STRAP: variants seen among roughly 807,000 people sequenced by gnomAD.
STRAP encodes serine/threonine kinase receptor associated protein.
A neutral mutation model predicts 47.0 loss-of-function variants in STRAP; 16 were observed. The observed-to-expected ratio is 0.34, with a 90% CI of 0.23 to 0.52. The LOEUF is 0.52. STRAP is among the 20% of genes least tolerant of loss of function. STRAP has a pLI of 0.96. For missense variants in STRAP, 293 were observed against 420.0 expected, an observed-to-expected ratio of 0.70 and a Z score of 2.64; for synonymous variants, 130 against 142.7, an observed-to-expected ratio of 0.91 and a Z score of 0.63.
intron 7 of STRAP, 84 bp downstream of exon 7, chr12:15,898,102 A>AAATGAGG: frequency 1.7e-6 from 2 of 1,169,724 alleles, no homozygotes; most frequent in Non-Finnish European, 2.3e-6. Context: ...ATATATATAT[A>AAATGAGG]TGTTACATAT....
chr12:15,886,976 A>G (rs987131527), intron 2 of STRAP, among the ~76,000 whole-genome samples: 1 of 152,186 alleles, frequency 6.6e-6, no homozygotes, highest in Non-Finnish European at 1.5e-5. Context: ...AGTAAAGACA[A>G]TTCTGTGCTG....
rs552045407 is a variant in STRAP, at chr12:15,887,100, T to C, written c.249-2828T>C. ...CAATAGAAATATCTAATTTTAGTTT[T>C]AATAAGGTTCTTGATAAATCGAAAA... On this transcript the variant is annotated intron_variant, in intron 2 of 9. Coordinates refer to ENST00000419869, the MANE Select transcript of STRAP (RefSeq NM_007178.4). This position sits in a 1 kb window ranked among gnomAD's most constrained non-coding sequence, Gnocchi z 5.5. Among the ~76,000 whole-genome samples the C allele has an allele frequency of 8.5e-5, 13 of 152,346 alleles. No individual in the cohort carries two copies. The highest frequency in any genetic ancestry group is 1.2e-4 in the Non-Finnish European group (8 of 68,030).
intron 6 of STRAP, among the ~76,000 whole-genome samples, chr12:15,895,862 G>GAAAAAAAAAAAAAAAAAAAAACAAAA (rs778939065): frequency 1.6e-5 from 1 of 61,694 alleles, no homozygotes; most frequent in African/African-American, 6.0e-5. Context: ...AACCTCCTCT[G>GAAAAAAAAAAAAAAAAAAAAACAAAA]AAAAAAAAAA....
rs113260060 is a variant in STRAP, at chr12:15,896,467, C to G, written c.638+971C>G. 1.6e-3 allele frequency among the ~76,000 whole-genome samples: 238 copies of G among 151,268 alleles called. 1 individual carries two copies. Among genetic ancestry groups the G allele is most frequent in the African/African-American group, 5.4e-3 (223 of 41,210 alleles). On this transcript the variant is annotated intron_variant, in intron 6 of 9. Coordinates refer to ENST00000419869, the MANE Select transcript of STRAP (RefSeq NM_007178.4). This position sits in a 1 kb window ranked among gnomAD's most constrained non-coding sequence, Gnocchi z 4.1. ...ACCCACAATATTATACCCATAGGTG[C>G]AAGAGTGATAATGGTAGTTATATTT...
chr12:15,883,765 A>T (rs1026747288), intron 2 of STRAP, 89 bp downstream of exon 2: 5 of 1,508,488 alleles, frequency 3.3e-6, no homozygotes, highest in Non-Finnish European at 4.5e-6. Context: ...TATTCATAAA[A>T]TTCTGACTCA....
rs561854160 is a variant in STRAP, at chr12:15,890,342, G to A, written c.331-255G>A. ...AAAGGGCCTCTCACAAGGGAGAGGA[G>A]TAGGATCAGGGGAGAATGGGAGAGT... On this transcript the variant is annotated intron_variant, in intron 3 of 9. Coordinates refer to ENST00000419869, the MANE Select transcript of STRAP (RefSeq NM_007178.4). The surrounding 1 kb of genome is among the most constrained non-coding windows in gnomAD (Gnocchi z 4.5). 1.3e-5 allele frequency among the ~76,000 whole-genome samples: 2 copies of A among 152,310 alleles called. 1 individual carries two copies. The highest frequency in any genetic ancestry group is 4.8e-5 in the African/African-American group (2 of 41,568).
chr12:15,883,871 A>G (rs77300530), intron 2 of STRAP, among the ~76,000 whole-genome samples, 195 bp downstream of exon 2: 4,837 of 152,208 alleles, frequency 0.032, 278 homozygotes, highest in African/African-American at 0.11. Context: ...GGTTCTCAAA[A>G]TTTTCAGAGG....
rs774380564 is a variant in STRAP, at chr12:15,894,186, A to G, written c.500+43A>G. On this transcript the variant is annotated intron_variant, in intron 5 of 9. Transcript: ENST00000419869. The surrounding 1 kb of genome is among the most constrained non-coding windows in gnomAD (Gnocchi z 4.9). ...AATAATTTACAATTTAAGGCCGGGC[A>G]TGGTGGCTCACGCCTATAATCTCAG... 6 of 1,515,362 alleles carry G rather than the reference A, an allele frequency of 4.0e-6. No individual in the cohort carries two copies. Among genetic ancestry groups the G allele is most frequent in the Non-Finnish European group, 4.6e-6 (5 of 1,093,776 alleles). 93.9% of individuals were successfully genotyped at this position (1,515,362 alleles called of 1,614,324 possible). A position where few individuals can be genotyped will look rare whatever the true frequency, so the allele number is the denominator to read the frequency against.
intron 9 of STRAP, among the ~76,000 whole-genome samples, chr12:15,901,221 A>G (rs1948100645): frequency 6.6e-6 from 1 of 152,250 alleles, no homozygotes; most frequent in South Asian, 2.1e-4. Context: ...ACAGAGATGT[A>G]GTATGGACAC....
intron 4 of STRAP, among the ~76,000 whole-genome samples, chr12:15,891,880 A>G (rs554335537): frequency 4.6e-5 from 7 of 152,112 alleles, no homozygotes; most frequent in African/African-American, 1.7e-4. Flanking sequence ...CGGGAGGTAG[A>G]GGTTGCAGTG....
chr12:15,893,983 C>T, intron 4 of STRAP, 64 bp from the exon 5 acceptor site: 1 of 1,222,388 alleles, frequency 8.2e-7, no homozygotes, highest in South Asian at 1.3e-5. Context: ...TATAATTGTT[C>T]CGATATTGTT....
chr12:15,903,032 A>G lies in STRAP; in HGVS notation c.*54A>G. ...AACTGACTAAAACAAGCAAGCAGAG[A>G]AAAGCATCAGCCTTCCAGAGTTACT... On this transcript the variant is annotated 3_prime_UTR_variant, in exon 10 of 10. Coordinates refer to ENST00000419869, the MANE Select transcript of STRAP (RefSeq NM_007178.4). 2 of 1,455,260 alleles carry G rather than the reference A, an allele frequency of 1.4e-6. No homozygotes were observed. The highest frequency in any genetic ancestry group is 2.4e-5 in the Admixed American group (1 of 41,058). The allele number at this position is 1,455,260 out of a possible 1,614,324, so 90.1% of individuals were successfully genotyped here.
chr12:15,899,667 T>C (rs1226792692), intron 7 of STRAP, among the ~76,000 whole-genome samples: 2 of 152,150 alleles, frequency 1.3e-5, no homozygotes, highest in African/African-American at 4.8e-5. Flanking sequence ...CTCATTTGCT[T>C]TTTTTAGAGG....
intron 1 of STRAP, chr12:15,883,039 C>G: frequency 2.6e-6 from 4 of 1,533,504 alleles, no homozygotes; most frequent in African/African-American, 1.4e-5. Context: ...TTACCTCCAA[C>G]TAAGACCTCT....
chr12:15,894,118 C>T lies in STRAP; in HGVS notation c.475C>T (p.Leu159Phe), dbSNP rs755591994. ...GTGGTGCAGTGAGGATAAACAGATT[C>T]TTTCTGCTGATGACAAAACTGTTCG... ...ALWCSEDKQI[L>F]SADDKTVRLW... Residue 159 changes from leucine (L) to phenylalanine (F), a missense_variant, in exon 5 of 10, where the codon CTT (leucine) becomes TTT (phenylalanine). This residue lies in a region of STRAP where 152 missense variants were observed against 183.0 expected (regional missense o/e 0.83). Coordinates refer to ENST00000419869, the MANE Select transcript of STRAP (RefSeq NM_007178.4). This position sits in a 1 kb window ranked among gnomAD's most constrained non-coding sequence, Gnocchi z 4.9. The T allele has an allele frequency of 6.2e-7, 1 of 1,613,238 alleles. No individual in the cohort carries two copies. Among genetic ancestry groups the T allele is most frequent in the African/African-American group, 1.3e-5 (1 of 74,880 alleles).
chr12:15,898,694 C>G (rs891211494), intron 7 of STRAP, among the ~76,000 whole-genome samples: 1 of 152,110 alleles, frequency 6.6e-6, no homozygotes, highest in Non-Finnish European at 1.5e-5. Context: ...ATGTGGTTCT[C>G]AGTATCTACT....
intron 2 of STRAP, among the ~76,000 whole-genome samples, chr12:15,886,655 G>A (rs892108206): frequency 5.3e-5 from 8 of 152,074 alleles, no homozygotes; most frequent in African/African-American, 7.2e-5. Context: ...TTTCATGTGC[G>A]TGTTTGTGTG....
At chr12:15,895,520 T>A (rs1358332260) in intron 6 of STRAP, 24 bp downstream of exon 6, 1 of 1,572,946 alleles carries the variant, frequency 6.4e-7, no homozygotes, top group Non-Finnish European at 8.6e-7. Flanking sequence ...ATACTTTCAT[T>A]TTCTTTTTTA....
At chr12:15,901,990 G>GTTTTA (rs1479358038) in intron 9 of STRAP, among the ~76,000 whole-genome samples, 1 of 151,752 alleles carries the variant, frequency 6.6e-6, no homozygotes, top group African/African-American at 2.4e-5. Flanking sequence ...GTTTTGTTTT[G>GTTTTA]TTTTGAGATG....
Sources: gnomAD v4.1 joint callset for allele counts (sites outside exome capture counted in the v4.1 genomes callset) on GRCh38, gnomAD v4.1.1 for gene constraint, gnomAD v4.1.1 regional missense constraint, Gnocchi (gnomAD v3.1) non-coding constraint, MANE v1.5 for transcripts, NCBI Gene and HGNC (gene_info 2026-07-23, HGNC 2026-07-21) for gene names.